The following MAGI3 variants were observed in gnomAD, a reference collection of about 807,000 sequenced individuals.
The protein encoded by MAGI3 is membrane associated guanylate kinase, WW and PDZ domain containing 3.
MAGI3 carries 43 observed loss-of-function variants against 121.8 expected under a neutral mutation model. The ratio of observed to expected loss-of-function variants is 0.35; its 90% CI spans 0.28 to 0.46. The LOEUF (loss-of-function observed/expected upper bound fraction) is 0.46, where lower values mean the gene tolerates loss of function less well. Among genes scored for constraint, MAGI3 ranks in the 20% least tolerant of loss-of-function variants. The probability of loss-of-function intolerance (pLI) is 1.00; values close to 1 mark genes in which losing one functional copy is unlikely to be tolerated. For synonymous variants in MAGI3, 553 were observed against 639.3 expected (o/e 0.86, Z 2.04); for missense variants, 1,547 against 1,797.3 (o/e 0.86, Z 2.52).
intron 15 of MAGI3, among the ~76,000 whole-genome samples, chr1:113,654,395 C>T (rs1223848769): frequency 6.6e-6 from 1 of 152,030 alleles, no homozygotes; most frequent in Non-Finnish European, 1.5e-5. Context: ...AGACTAGAAG[C>T]AATTGAGAAG....
intron 6 of MAGI3, among the ~76,000 whole-genome samples, chr1:113,595,519 A>G (rs1392693891): frequency 2.7e-5 from 3 of 111,368 alleles, no homozygotes; most frequent in African/African-American, 4.2e-5. Flanking sequence ...TTGAAGTCCA[A>G]TCTATAAAAA....
intron 1 of MAGI3, among the ~76,000 whole-genome samples, chr1:113,411,950 G>A (rs1487767623): frequency 6.6e-6 from 1 of 152,026 alleles, no homozygotes; most frequent in Non-Finnish European, 1.5e-5. Context: ...AGGTATAAAT[G>A]TGCCATGTTG....
At chr1:113,661,044 CA>C (rs1000900067) in intron 16 of MAGI3, among the ~76,000 whole-genome samples, 6 of 152,128 alleles carry the variant, frequency 3.9e-5, no homozygotes, top group Admixed American at 3.9e-4. Context: ...AGGCTTTTGA[CA>C]AAGGCCACAG....
intron 1 of MAGI3, among the ~76,000 whole-genome samples, chr1:113,522,571 C>T (rs1380584940): frequency 6.6e-6 from 1 of 152,136 alleles, no homozygotes; most frequent in Non-Finnish European, 1.5e-5. Flanking sequence ...GATAATAATA[C>T]TCACCTCACA....
intron 9 of MAGI3, 57 bp downstream of exon 9, chr1:113,623,051 T>G (rs1650938404): frequency 1.7e-6 from 2 of 1,142,994 alleles, no homozygotes; most frequent in Non-Finnish European, 2.4e-6. Flanking sequence ...AAAATTATAG[T>G]GAAGAGATTT....
intron 2 of MAGI3, among the ~76,000 whole-genome samples, chr1:113,568,891 T>C (rs1358127041): frequency 6.6e-6 from 1 of 152,064 alleles, no homozygotes; most frequent in East Asian, 1.9e-4. Flanking sequence ...TTTTTTCAAC[T>C]AGACACAAAA....
intron 3 of MAGI3, among the ~76,000 whole-genome samples, chr1:113,584,074 ACAAT>A (rs1648213561): frequency 6.6e-6 from 1 of 152,278 alleles, no homozygotes; most frequent in South Asian, 2.1e-4. Context: ...CTAGGAAAAA[ACAAT>A]CAATTATCTA....
intron 15 of MAGI3, among the ~76,000 whole-genome samples, chr1:113,656,652 G>A (rs1371739288): frequency 6.6e-6 from 1 of 151,996 alleles, no homozygotes; most frequent in African/African-American, 2.4e-5. Context: ...CCCAACCTCA[G>A]GCAATCCACC....
At chr1:113,401,384 T>C (rs147655829) in intron 1 of MAGI3, among the ~76,000 whole-genome samples, 5 of 152,288 alleles carry the variant, frequency 3.3e-5, no homozygotes, top group African/African-American at 4.8e-5. Context: ...ACAGAGTTTG[T>C]GGCCGTGCAG....
At chr1:113,644,771 T>C (rs898662066) in intron 11 of MAGI3, among the ~76,000 whole-genome samples, 16 of 152,352 alleles carry the variant, frequency 1.1e-4, no homozygotes, top group Admixed American at 8.5e-4. Context: ...GAAGAAACTC[T>C]ACAAGGTGCA....
chr1:113,488,886 A>G lies in MAGI3; in HGVS notation c.317-60629A>G, dbSNP rs1208280153. Among the ~76,000 whole-genome samples, 3 of 152,126 alleles carry G rather than the reference A, an allele frequency of 2.0e-5. No homozygotes were observed. In the East Asian group the frequency reaches 5.8e-4, roughly 29 times the overall value. ...GAAGGCACCCAGACCTGCACCTGCC[A>G]GTACCCCACCCCTGAGCCAACACCA... On this transcript the variant is annotated intron_variant, in intron 1 of 20. Transcript: ENST00000307546.
rs551924004 is a variant in MAGI3 at position 113,578,448 on chromosome 1, C to T, written c.434-2094C>T. 9.9e-5 allele frequency among the ~76,000 whole-genome samples: 15 copies of T among 151,918 alleles called. No homozygotes were observed. In the East Asian group the frequency reaches 1.5e-3, roughly 16 times the overall value. ...TTTAAGAGACAGGATCTCACTCTGT[C>T]GTCAAGGCTGGAGTGCAGTGGTGCT... On this transcript the variant is annotated intron_variant, in intron 2 of 20. Transcript: ENST00000307546.
At chr1:113,624,832 T>C (rs753852426) in intron 9 of MAGI3, among the ~76,000 whole-genome samples, 1 of 152,214 alleles carries the variant, frequency 6.6e-6, no homozygotes, top group Non-Finnish European at 1.5e-5. Context: ...TTTTTTAGTT[T>C]TACAGTTTGA....
intron 1 of MAGI3, among the ~76,000 whole-genome samples, chr1:113,394,482 C>G (rs1315886316): frequency 6.6e-6 from 1 of 152,102 alleles, no homozygotes; most frequent in Non-Finnish European, 1.5e-5. Flanking sequence ...CTTTGGACCT[C>G]TGGTGAAATT....
chr1:113,575,103 G>T (rs550183109), intron 2 of MAGI3, among the ~76,000 whole-genome samples: 1 of 152,072 alleles, frequency 6.6e-6, no homozygotes, highest in African/African-American at 2.4e-5. Flanking sequence ...TTTTATCAAT[G>T]CTCTTAGCTT....
chr1:113,393,530 G>A (rs1650935736), intron 1 of MAGI3, among the ~76,000 whole-genome samples: 1 of 152,146 alleles, frequency 6.6e-6, no homozygotes, highest in Non-Finnish European at 1.5e-5. Context: ...ATAGCCTCAT[G>A]TTAGGTATTA....
At chr1:113,596,099 C>T (rs1275164590) in intron 6 of MAGI3, among the ~76,000 whole-genome samples, 1 of 150,470 alleles carries the variant, frequency 6.6e-6, no homozygotes, top group African/African-American at 2.4e-5. Flanking sequence ...AGCCAAAGAA[C>T]CTTAAAAAAA....
chr1:113,592,444 A>G (rs1214480702), intron 5 of MAGI3, among the ~76,000 whole-genome samples: 3 of 152,160 alleles, frequency 2.0e-5, no homozygotes, highest in Non-Finnish European at 4.4e-5. Context: ...AAAATTTTGG[A>G]TCATGGGAAC....
At chr1:113,613,927 A>T (rs1004263165) in intron 6 of MAGI3, among the ~76,000 whole-genome samples, 4 of 152,170 alleles carry the variant, frequency 2.6e-5, no homozygotes, top group Admixed American at 2.0e-4. Flanking sequence ...CAGAAATTCA[A>T]CTACCTTCAG....
Sources: gnomAD v4.1 joint callset for allele counts (sites outside exome capture counted in the v4.1 genomes callset) on GRCh38, gnomAD v4.1.1 for gene constraint, MANE v1.5 for transcripts, NCBI Gene and HGNC (gene_info 2026-07-23, HGNC 2026-07-21) for gene names.